CAMK1D: variants seen among roughly 807,000 people sequenced by gnomAD.
The protein encoded by CAMK1D is calcium/calmodulin-dependent protein kinase type 1D.
CAMK1D carries 9 observed loss-of-function variants against 47.7 expected under a neutral mutation model. That is an observed-to-expected ratio of 0.19 (90% confidence interval 0.11 to 0.33). The LOEUF is 0.33. Among genes scored for constraint, CAMK1D ranks in the 10% least tolerant of loss-of-function variants. CAMK1D has a pLI of 1.00. For synonymous variants in CAMK1D, 184 were observed against 184.9 expected, an observed-to-expected ratio of 0.99 and a Z score of 0.04; for missense variants, 291 against 488.7, an observed-to-expected ratio of 0.60 and a Z score of 3.81.
At chr10:12,503,897 G>T (rs976643980) in intron 1 of CAMK1D, among the ~76,000 whole-genome samples, 2 of 152,168 alleles carry the variant, frequency 1.3e-5, no homozygotes, top group Non-Finnish European at 2.9e-5. Flanking sequence ...ATACCGGACT[G>T]AGGATAGTGG....
intron 1 of CAMK1D, among the ~76,000 whole-genome samples, chr10:12,493,726 T>A (rs1367271196): frequency 6.6e-6 from 1 of 152,178 alleles, no homozygotes; most frequent in Non-Finnish European, 1.5e-5. Flanking sequence ...ACTCCTGACC[T>A]CTGGTGATCT....
intron 5 of CAMK1D, among the ~76,000 whole-genome samples, chr10:12,777,187 G>A (rs1837287397): frequency 6.6e-6 from 1 of 152,048 alleles, no homozygotes; most frequent in Admixed American, 6.6e-5. Flanking sequence ...GAGGTCAGGG[G>A]GACAAGCTGG....
intron 6 of CAMK1D, among the ~76,000 whole-genome samples, chr10:12,812,832 T>G (rs1832660039): frequency 6.6e-6 from 1 of 152,186 alleles, no homozygotes; most frequent in Non-Finnish European, 1.5e-5. Flanking sequence ...TCTAGGTCTT[T>G]TCCTGAGTGT....
intron 3 of CAMK1D, among the ~76,000 whole-genome samples, chr10:12,711,060 G>C (rs144353481): frequency 4.6e-5 from 7 of 152,286 alleles, no homozygotes; most frequent in African/African-American, 1.7e-4. Flanking sequence ...TCCCAGTCAT[G>C]AAAGTCTGTC....
chr10:12,818,668 C>T (rs61852164), intron 8 of CAMK1D, among the ~76,000 whole-genome samples: 1 of 135,988 alleles, frequency 7.4e-6, no homozygotes, highest in East Asian at 2.1e-4. Context: ...GAGACTCTGT[C>T]CCAAAAAAAA....
chr10:12,652,820 G>A (rs987086448), intron 2 of CAMK1D, among the ~76,000 whole-genome samples: 50 of 152,176 alleles, frequency 3.3e-4, no homozygotes, highest in African/African-American at 1.2e-3. Context: ...ATTTGGAGAG[G>A]TGGATGTGTA....
At chr10:12,592,270 C>T (rs748774505) in intron 2 of CAMK1D, among the ~76,000 whole-genome samples, 13 of 152,178 alleles carry the variant, frequency 8.5e-5, no homozygotes, top group East Asian at 1.9e-4. Context: ...TTCTCCTTTC[C>T]GGAATCCATT....
chr10:12,785,109 C>T (rs550119612), intron 5 of CAMK1D, among the ~76,000 whole-genome samples: 70 of 152,300 alleles, frequency 4.6e-4, no homozygotes, highest in African/African-American at 1.6e-3. Flanking sequence ...AGCTCCAAAA[C>T]GCTGGCTTTG....
intron 1 of CAMK1D, among the ~76,000 whole-genome samples, chr10:12,445,230 A>G (rs1307795588): frequency 6.6e-6 from 1 of 152,158 alleles, no homozygotes; most frequent in Admixed American, 6.6e-5. Context: ...CCTTCCCATC[A>G]TGCCCTGCAC....
At chr10:12,710,163 T>C (rs1833882035) in intron 3 of CAMK1D, among the ~76,000 whole-genome samples, 2 of 152,230 alleles carry the variant, frequency 1.3e-5, no homozygotes, top group African/African-American at 4.8e-5. Flanking sequence ...AAATTAAGTG[T>C]TACCGTTTGT....
In CAMK1D at chr10:12,599,532, C is replaced by T. The variant is rs577527127; in HGVS notation, c.224+46176C>T. ...CAGACATAAAGTAAGAAGAAAAGAG[C>T]CAGTCTTTGGCTCAGCAATGCATTT... On this transcript the variant is annotated intron_variant, in intron 2 of 10. Coordinates refer to ENST00000619168, the MANE Select transcript of CAMK1D (RefSeq NM_153498.4). Among the ~76,000 whole-genome samples the T allele has an allele frequency of 2.0e-5, 3 of 152,296 alleles. No homozygotes were observed. In the East Asian group the frequency reaches 5.8e-4, roughly 29 times the overall value.
intron 1 of CAMK1D, among the ~76,000 whole-genome samples, chr10:12,419,360 C>T (rs1157112195): frequency 3.3e-5 from 5 of 152,084 alleles, no homozygotes; most frequent in Admixed American, 6.5e-5. Context: ...TGGGTTATCC[C>T]GACACCTGTG....
intron 3 of CAMK1D, among the ~76,000 whole-genome samples, chr10:12,733,223 G>T (rs1834974624): frequency 6.6e-6 from 1 of 152,192 alleles, no homozygotes; most frequent in Admixed American, 6.5e-5. Flanking sequence ...GTAAATTGGA[G>T]GAGGATGAGT....
chr10:12,409,131 A>G (rs1050820222), intron 1 of CAMK1D, among the ~76,000 whole-genome samples: 29 of 152,224 alleles, frequency 1.9e-4, no homozygotes, highest in African/African-American at 7.0e-4. Context: ...TGCTGGTATT[A>G]CAGGCGTGAG....
intron 1 of CAMK1D, among the ~76,000 whole-genome samples, chr10:12,495,333 T>C (rs1834505752): frequency 6.6e-6 from 1 of 152,238 alleles, no homozygotes; most frequent in Non-Finnish European, 1.5e-5. Context: ...AATGACCTTG[T>C]CATAATGCAG....
At chr10:12,734,057 G>A (rs899160051) in intron 3 of CAMK1D, among the ~76,000 whole-genome samples, 11 of 151,766 alleles carry the variant, frequency 7.2e-5, no homozygotes, top group South Asian at 4.2e-4. Flanking sequence ...GCCGGGTGCC[G>A]TGGCTCCTGC....
At chr10:12,691,375 A>T (rs1832887820) in intron 3 of CAMK1D, among the ~76,000 whole-genome samples, 1 of 6,890 alleles carries the variant, frequency 1.5e-4, no homozygotes, top group Admixed American at 1.9e-3. Flanking sequence ...ATATATATAT[A>T]TAAATATATA....
chr10:12,782,085 A>G (rs1357331970), intron 5 of CAMK1D, among the ~76,000 whole-genome samples: 1 of 151,712 alleles, frequency 6.6e-6, no homozygotes, highest in African/African-American at 2.4e-5. Context: ...GGCTATCCCA[A>G]CAGAAAAGAT....
chr10:12,367,563 G>A (rs566267654), intron 1 of CAMK1D, among the ~76,000 whole-genome samples: 3 of 151,690 alleles, frequency 2.0e-5, no homozygotes, highest in Non-Finnish European at 4.4e-5. Flanking sequence ...GAATCAGTGC[G>A]AGGCCCTGTG....
Sources: allele counts gnomAD v4.1 joint callset (sites outside exome capture counted in the v4.1 genomes callset), GRCh38; gene constraint gnomAD v4.1.1; transcripts MANE v1.5; gene names NCBI Gene and HGNC (gene_info 2026-07-23, HGNC 2026-07-21).